Variants in ITGA9 observed in about 807,000 individuals in gnomAD.
ITGA9 encodes integrin alpha-9.
Under a neutral mutation model 127.8 loss-of-function variants are expected in ITGA9, and 56 were observed. The observed-to-expected ratio is 0.44, with a 90% CI of 0.35 to 0.55. The LOEUF is 0.55. Ranked by LOEUF, ITGA9 falls within the 20% of genes least tolerant of loss-of-function variation. The pLI is 0.00. For missense variants in ITGA9, 1,196 were observed against 1,347.1 expected (o/e 0.89, Z 1.76); for synonymous variants, 508 against 514.5 (o/e 0.99, Z 0.17).
At chr3:37,791,463 G>A (rs1575239635) in intron 26 of ITGA9, among the ~76,000 whole-genome samples, 1 of 152,262 alleles carries the variant, frequency 6.6e-6, no homozygotes, top group East Asian at 1.9e-4. Flanking sequence ...TGCGCTGGAA[G>A]GCTGGAGAAC....
At chr3:37,720,253 G>A (rs1463443082) in intron 18 of ITGA9, among the ~76,000 whole-genome samples, 2 of 152,208 alleles carry the variant, frequency 1.3e-5, no homozygotes, top group Non-Finnish European at 2.9e-5. Context: ...ACATTTCTAT[G>A]AAGATTTCTG....
At chr3:37,702,756 A>G (rs182973208) in intron 18 of ITGA9, among the ~76,000 whole-genome samples, 132 of 152,226 alleles carry the variant, frequency 8.7e-4, no homozygotes, top group African/African-American at 2.9e-3. Context: ...TCTCTTGACA[A>G]TCACAGTTGG....
At chr3:37,519,034 C>T (rs1699016892) in intron 10 of ITGA9, among the ~76,000 whole-genome samples, 2 of 151,060 alleles carry the variant, frequency 1.3e-5, no homozygotes, top group Admixed American at 1.3e-4. Flanking sequence ...ACCTGCCCGC[C>T]TTGGCCTGCC....
intron 18 of ITGA9, among the ~76,000 whole-genome samples, chr3:37,691,194 G>C (rs891961731): frequency 6.6e-6 from 1 of 152,210 alleles, no homozygotes; most frequent in Non-Finnish European, 1.5e-5. Flanking sequence ...ATGTGGTCAG[G>C]GCTCACCAGC....
intron 15 of ITGA9, among the ~76,000 whole-genome samples, chr3:37,579,975 G>C (rs1323616812): frequency 6.6e-6 from 1 of 152,136 alleles, no homozygotes; most frequent in African/African-American, 2.4e-5. Flanking sequence ...CATTTAATGT[G>C]TTTTTAATGA....
chr3:37,464,299 A>G (rs1194586428), intron 1 of ITGA9, among the ~76,000 whole-genome samples: 1 of 147,948 alleles, frequency 6.8e-6, no homozygotes, highest in African/African-American at 2.5e-5. Context: ...TTTTAAACAT[A>G]AGTGACTCCA....
At chr3:37,709,405 C>T (rs1221141014) in intron 18 of ITGA9, among the ~76,000 whole-genome samples, 2 of 152,180 alleles carry the variant, frequency 1.3e-5, no homozygotes, top group Non-Finnish European at 2.9e-5. Context: ...CTTAAGTGTC[C>T]CAAGGCCAAC....
At chr3:37,651,411 C>G (rs146463568) in intron 16 of ITGA9, among the ~76,000 whole-genome samples, 1 of 152,164 alleles carries the variant, frequency 6.6e-6, no homozygotes, top group Non-Finnish European at 1.5e-5. Context: ...TGGCTCTAAG[C>G]TGGGGCATCC....
chr3:37,512,149 CT>C (rs1698932833), intron 8 of ITGA9, among the ~76,000 whole-genome samples: 1 of 13,960 alleles, frequency 7.2e-5, no homozygotes, highest in African/African-American at 2.4e-4. Flanking sequence ...CTTTTCTTTT[CT>C]TTTCTTTTCT....
intron 13 of ITGA9, among the ~76,000 whole-genome samples, chr3:37,530,073 G>A (rs780532255): frequency 2.0e-5 from 3 of 152,238 alleles, no homozygotes; most frequent in Non-Finnish European, 4.4e-5. Context: ...GGAGAGCAGG[G>A]AAGGCTTCAA....
At chr3:37,656,504 G>A (rs1700478964) in intron 17 of ITGA9, among the ~76,000 whole-genome samples, 1 of 152,108 alleles carries the variant, frequency 6.6e-6, no homozygotes, top group Non-Finnish European at 1.5e-5. Context: ...GTCTGTTTTT[G>A]GTGTACAGGA....
Position 37,627,072 on chromosome 3 carries a change from G to A in ITGA9, c.1690-2115G>A, listed in dbSNP as rs529714695. 3.9e-5 allele frequency among the ~76,000 whole-genome samples: 6 copies of A among 152,312 alleles called. No individual in the cohort carries two copies. The East Asian group carries it at 1.2e-3, about 29-fold the overall frequency. On this transcript the variant is annotated intron_variant, in intron 15 of 27. Coordinates refer to ENST00000264741, the MANE Select transcript of ITGA9 (RefSeq NM_002207.3). ...GTGCTTTGCTCCCAGAGGGACATGA[G>A]TATCAAAGGTCTGCCCCGATATCTG...
chr3:37,636,099 C>G (rs1216755748), intron 16 of ITGA9, among the ~76,000 whole-genome samples: 1 of 151,936 alleles, frequency 6.6e-6, no homozygotes, highest in Middle Eastern at 3.2e-3. Context: ...CATACATGTG[C>G]GTGTGTCTTT....
chr3:37,617,831 T>C (rs529319121), intron 15 of ITGA9, among the ~76,000 whole-genome samples: 9 of 152,366 alleles, frequency 5.9e-5, no homozygotes, highest in South Asian at 2.1e-4. Context: ...TTTAAGGACT[T>C]CTCTGCATTG....
At chr3:37,538,089 G>A (rs2125589095) in intron 14 of ITGA9, among the ~76,000 whole-genome samples, 1 of 152,302 alleles carries the variant, frequency 6.6e-6, no homozygotes, top group Non-Finnish European at 1.5e-5. Context: ...GCAGTTCTGG[G>A]CTTTCACCAG....
intron 22 of ITGA9, among the ~76,000 whole-genome samples, chr3:37,746,782 A>G (rs911458553): frequency 6.6e-6 from 1 of 152,206 alleles, no homozygotes; most frequent in Non-Finnish European, 1.5e-5. Flanking sequence ...GGAGTTGGCA[A>G]CCCACTCATC....
intron 26 of ITGA9, among the ~76,000 whole-genome samples, chr3:37,788,118 G>A (rs1559598993): frequency 1.3e-5 from 2 of 152,114 alleles, no homozygotes; most frequent in Non-Finnish European, 2.9e-5. Context: ...CCATTTTTCT[G>A]TTCTCAGCAT....
At chr3:37,493,674 A>G (rs1698695859) in intron 4 of ITGA9, among the ~76,000 whole-genome samples, 1 of 152,218 alleles carries the variant, frequency 6.6e-6, no homozygotes, top group South Asian at 2.1e-4. Flanking sequence ...GACCTTAGAC[A>G]ATTCACTTAA....
At chr3:37,526,226 C>T (rs772632774) in intron 13 of ITGA9, among the ~76,000 whole-genome samples, 155 bp downstream of exon 13, 1 of 152,096 alleles carries the variant, frequency 6.6e-6, no homozygotes, top group Admixed American at 6.6e-5. Context: ...TCTAATTATT[C>T]TCTATCCCAG....
Sources: allele counts gnomAD v4.1 joint callset (sites outside exome capture counted in the v4.1 genomes callset), GRCh38; gene constraint gnomAD v4.1.1; transcripts MANE v1.5; gene names NCBI Gene and HGNC (gene_info 2026-07-23, HGNC 2026-07-21).